Variants in LIPG observed in about 807,000 individuals in gnomAD.
LIPG encodes the protein lipase G, endothelial type.
LIPG carries 34 observed loss-of-function variants against 51.8 expected under a neutral mutation model. The ratio of observed to expected loss-of-function variants is 0.66; its 90% confidence interval spans 0.50 to 0.87. The LOEUF (loss-of-function observed/expected upper bound fraction) is 0.87, where lower values mean the gene tolerates loss of function less well. LIPG is among the 40% of genes least tolerant of loss of function. The probability of loss-of-function intolerance (pLI) is 0.00; values close to 1 mark genes in which losing one functional copy is unlikely to be tolerated. For synonymous variants in LIPG, 246 were observed against 246.1 expected (o/e 1.00, Z 0.00); for missense variants, 580 against 652.7 (o/e 0.89, Z 1.21).
rs988963905 is a variant in LIPG, at chr18:49,595,612, G to A, written c.*5090G>A. On this transcript the variant is annotated 3_prime_UTR_variant, in exon 10 of 10. Transcript: ENST00000261292. ...TGGGAGGCTGAGATGGGAGGATCAC[G>A]AGGTCAGGAGTGCGAGACCAGCCTG... is the stretch of plus-strand genomic sequence containing the variant. 4 of 152,190 alleles carry A rather than the reference G, an allele frequency of 2.6e-5. No individual in the cohort carries two copies. Among genetic ancestry groups the A allele is most frequent in the African/African-American group, 7.2e-5 (3 of 41,448 alleles). The allele number at this position is 152,190 out of a possible 1,614,324, so 9.4% of individuals were successfully genotyped here.
At chr18:49,577,916 T>C (rs200474143) in intron 5 of LIPG, among the ~76,000 whole-genome samples, 33,302 of 58,806 alleles carry the variant, frequency 0.57, 8,212 homozygotes, top group African/African-American at 0.73. Context: ...CCAGTAGGGG[T>C]GGGCGGGCAG....
chr18:49,579,812 TCTTTTCTTTA>T (rs1176693508), intron 5 of LIPG, among the ~76,000 whole-genome samples: 4 of 120,464 alleles, frequency 3.3e-5, no homozygotes, highest in Admixed American at 8.3e-5. Flanking sequence ...TCTTTTCTTT[TCTTTTCTTTA>T]CTTTACTTTT....
rs150879681 is a variant in LIPG at position 49,567,448 on chromosome 18, G to A, written c.286G>A (p.Gly96Ser). Reference sequence around the variant, plus strand: ...CTTCCACTTTTCTCTGCAGATGAGCGGTATCTTTGAAAACTGGCTGCACAA... The same window carrying A: ...CTTCCACTTTTCTCTGCAGATGAGCAGTATCTTTGAAAACTGGCTGCACAA... ...FFIIHGWTMSGIFENWLHKLV... is the reference protein window; with the variant it reads ...FFIIHGWTMSSIFENWLHKLV... Residue 96 changes from glycine to serine, a missense_variant, in exon 3 of 10, where the codon GGT (glycine) becomes AGT (serine). Physicochemically the swap from Gly to Ser is moderately conservative, Grantham distance 56 (BLOSUM62 0). Transcript: ENST00000261292. The A allele has an allele frequency of 2.4e-5, 39 of 1,613,888 alleles. No individual in the cohort carries two copies. Among genetic ancestry groups the A allele is most frequent in the Non-Finnish European group, 2.8e-5 (33 of 1,179,934 alleles).
rs1204462165 is a variant in LIPG, at chr18:49,578,944, T to C, written c.794-2471T>C. Among the ~76,000 whole-genome samples the C allele has an allele frequency of 5.0e-5, 7 of 138,642 alleles. No homozygotes were observed. In the East Asian group the frequency reaches 1.5e-3, roughly 30 times the overall value. The allele number at this position is 138,642 out of a possible 152,430, so 91.0% of individuals were successfully genotyped here. The stretch of plus-strand genomic sequence containing the variant: ...GGAGAATCAGGCAGGGAGGTTGCAG[T>C]GAGCCGAGATGGCAGCAGTACAGTC... On this transcript the variant is annotated intron_variant, in intron 5 of 9. Coordinates refer to ENST00000261292, the MANE Select transcript of LIPG (RefSeq NM_006033.4).
intron 5 of LIPG, among the ~76,000 whole-genome samples, chr18:49,580,215 C>G (rs1197303566): frequency 6.6e-6 from 1 of 152,172 alleles, no homozygotes; most frequent in Non-Finnish European, 1.5e-5. Context: ...GCCAGAAAAT[C>G]CAAATTGTAT....
At position 49,597,503 on chromosome 18, in the gene LIPG, CTCAAG is replaced by C. The variant is rs2084988947; in HGVS notation, c.*6985_*6989del. ...AGAATCAAACAAATATAAATCAGGG[CTCAAG>C]TCATTTGTTTTCCTAAACCTTTGTG... On this transcript the variant is annotated 3_prime_UTR_variant, in exon 10 of 10. Transcript: ENST00000261292. The C allele has an allele frequency of 6.6e-6, 1 of 152,184 alleles. No individual in the cohort carries two copies. The highest frequency in any genetic ancestry group is 2.1e-4 in the South Asian group (1 of 4,820). 9.4% of individuals were successfully genotyped at this position (152,184 alleles called of 1,614,324 possible).
chr18:49,588,893 G>A (rs2084912591), intron 9 of LIPG, among the ~76,000 whole-genome samples: 1 of 152,126 alleles, frequency 6.6e-6, no homozygotes, highest in South Asian at 2.1e-4. Flanking sequence ...GGTACACCTA[G>A]CACTTAGCTT....
At chr18:49,561,776 G>A (rs537305372), upstream of LIPG, 12 of 1,252,464 alleles carry the variant, frequency 9.6e-6, no homozygotes, top group Admixed American at 3.8e-5. Flanking sequence ...AGTGGGGAGA[G>A]GAGGATCTGG....
upstream of LIPG, chr18:49,561,831 C>A (rs1480098059): frequency 7.2e-6 from 9 of 1,252,494 alleles, no homozygotes; most frequent in East Asian, 2.7e-4. Flanking sequence ...CTGCTGGAGT[C>A]GCAGCTGCCT....
intron 1 of LIPG, 66 bp downstream of exon 1, chr18:49,562,471 A>G: frequency 7.3e-7 from 1 of 1,367,884 alleles, no homozygotes; most frequent in Non-Finnish European, 1.0e-6. Context: ...TGTCTTGCTG[A>G]TTCTTCAAAC....
At chr18:49,582,062 A>G (rs968592838) in intron 6 of LIPG, among the ~76,000 whole-genome samples, 3 of 152,214 alleles carry the variant, frequency 2.0e-5, no homozygotes, top group Admixed American at 1.3e-4. Flanking sequence ...ATTATTTTAC[A>G]TATGAGGAAG....
chr18:49,590,251 A>T lies in LIPG; in HGVS notation c.1482-250A>T, dbSNP rs573737645. 2.8e-5 allele frequency: 17 copies of T among 605,492 alleles called. No individual in the cohort carries two copies. The East Asian group carries it at 4.7e-4, about 17-fold the overall frequency. The allele number at this position is 605,492 out of a possible 1,614,324, so 37.5% of individuals were successfully genotyped here. A position where few individuals can be genotyped will look rare whatever the true frequency, so the allele number is the denominator to read the frequency against. ...TATGTAAATGCAAGAACTGTGATGT[A>T]CTCAACTCAGGGTCCAGAGGGTGCT... On this transcript the variant is annotated intron_variant, in intron 9 of 9. Coordinates refer to ENST00000261292, the MANE Select transcript of LIPG (RefSeq NM_006033.4).
intron 5 of LIPG, among the ~76,000 whole-genome samples, chr18:49,577,558 C>A (rs1263753302): frequency 6.7e-6 from 1 of 149,586 alleles, no homozygotes; most frequent in Admixed American, 6.6e-5. Context: ...GGGTGGTGGC[C>A]GGGCAGAGGG....
At position 49,596,126 on chromosome 18, in the gene LIPG, A is replaced by G. The variant is rs1365035745; in HGVS notation, c.*5604A>G. On this transcript the variant is annotated 3_prime_UTR_variant, in exon 10 of 10. Coordinates refer to ENST00000261292, the MANE Select transcript of LIPG (RefSeq NM_006033.4). Reference sequence around the variant, plus strand: ...ACAAACCTGCATACGTACCCCTGAAACTAAAGTAGAAGTTAAAACCATCAA... The same window carrying G: ...ACAAACCTGCATACGTACCCCTGAAGCTAAAGTAGAAGTTAAAACCATCAA... 6.6e-6 allele frequency: 1 copy of G among 152,194 alleles called. No individual in the cohort carries two copies. Among genetic ancestry groups the G allele is most frequent in the Non-Finnish European group, 1.5e-5 (1 of 68,048 alleles). 9.4% of individuals were successfully genotyped at this position (152,194 alleles called of 1,614,324 possible).
chr18:49,575,520 C>A lies in LIPG; in HGVS notation c.723C>A (p.Ile241=). The change falls in exon 5 of 10, where the codon ATC becomes ATA. Residue 241 remains isoleucine, a synonymous_variant. Coordinates refer to ENST00000261292, the MANE Select transcript of LIPG (RefSeq NM_006033.4). The part of the protein sequence containing the change: ...GIQMPVGHID[I]YPNGGDFQPG... The stretch of plus-strand genomic sequence containing the variant: ...AGATGCCTGTGGGCCACATTGACAT[C>A]TACCCCAATGGGGGTGACTTCCAGC... The A allele has an allele frequency of 1.2e-6, 2 of 1,614,196 alleles. No homozygotes were observed. Among genetic ancestry groups the A allele is most frequent in the Non-Finnish European group, 8.5e-7 (1 of 1,180,036 alleles).
Position 49,581,452 on chromosome 18 carries a change from C to T in LIPG, c.831C>T (p.Ala277=), listed in dbSNP as rs146234115. 34 of 1,614,072 alleles carry T rather than the reference C, an allele frequency of 2.1e-5. No individual in the cohort carries two copies. Among genetic ancestry groups the T allele is most frequent in the African/African-American group, 1.6e-4 (12 of 74,920 alleles). The change falls in exon 6 of 10, where the codon GCC becomes GCT. Residue 277 remains alanine (A), a synonymous_variant. Coordinates refer to ENST00000261292, the MANE Select transcript of LIPG (RefSeq NM_006033.4). ...TEVVKCEHER[A]VHLFVDSLVN... ...TGGTAAAATGTGAGCATGAGCGAGC[C>T]GTCCACCTCTTTGTTGACTCTCTGG...
intron 7 of LIPG, 67 bp from the exon 8 acceptor site, chr18:49,583,489 C>CAGTAACA: frequency 2.3e-6 from 3 of 1,312,502 alleles, no homozygotes; most frequent in Non-Finnish European, 3.3e-6. Flanking sequence ...GCCACTGTGT[C>CAGTAACA]ACCCCACACA....
intron 2 of LIPG, among the ~76,000 whole-genome samples, chr18:49,567,119 T>C (rs545502290): frequency 6.6e-6 from 1 of 152,268 alleles, no homozygotes; most frequent in Non-Finnish European, 1.5e-5. Context: ...GGAAGATCGC[T>C]TGAGCCCAGG....
Position 49,576,457 on chromosome 18 carries a change from C to CTTTTTTTTTTTTTTTTTTTTTTT in LIPG, c.793+872_793+894dup, listed in dbSNP as rs34597464. Reference sequence around the variant, plus strand: ...TCTTTTTTTAAAAGACAGAATCTTGCTTTTTTTTTTTTTTTTTTTTTTTTT... The same window carrying CTTTTTTTTTTTTTTTTTTTTTTT: ...TCTTTTTTTAAAAGACAGAATCTTGCTTTTTTTTTTTTTTTTTTTTTTTTTTTTTTTTTTTTTTTTTTTTTTTT... On this transcript the variant is annotated intron_variant, in intron 5 of 9. Coordinates refer to ENST00000261292, the MANE Select transcript of LIPG (RefSeq NM_006033.4). Among the ~76,000 whole-genome samples the CTTTTTTTTTTTTTTTTTTTTTTT allele has an allele frequency of 1.7e-4, 9 of 51,546 alleles. 4 individuals carry two copies. The highest frequency in any genetic ancestry group is 1.5e-3 in the South Asian group (2 of 1,320). 33.8% of individuals were successfully genotyped at this position (51,546 alleles called of 152,430 possible). A position where few individuals can be genotyped will look rare whatever the true frequency, so the allele number is the denominator to read the frequency against.
Sources: allele counts gnomAD v4.1 joint callset (sites outside exome capture counted in the v4.1 genomes callset), GRCh38; gene constraint gnomAD v4.1.1; transcripts MANE v1.5; gene names NCBI Gene and HGNC (gene_info 2026-07-23, HGNC 2026-07-21).